The following PBX3 variants were observed in gnomAD, a reference collection of about 807,000 sequenced individuals.
The protein encoded by PBX3 is pre-B-cell leukemia transcription factor 3.
Under a neutral mutation model 48.5 loss-of-function variants are expected in PBX3, and 14 were observed. The observed-to-expected ratio is 0.29, with a 90% confidence interval of 0.19 to 0.45. PBX3 has a LOEUF of 0.45. PBX3 is among the 20% of genes least tolerant of loss of function. The pLI is 1.00. For synonymous variants in PBX3, 210 were observed against 200.3 expected (o/e 1.05, Z -0.41); for missense variants, 386 against 546.7 (o/e 0.71, Z 2.93).
chr9:125,825,462 A>G (rs1315204587), intron 2 of PBX3, among the ~76,000 whole-genome samples: 1 of 152,092 alleles, frequency 6.6e-6, no homozygotes, highest in Non-Finnish European at 1.5e-5. Flanking sequence ...AAAATAAAAA[A>G]TTAGATGATT....
chr9:125,826,584 CTT>C (rs1029089212), intron 2 of PBX3, among the ~76,000 whole-genome samples: 1 of 151,996 alleles, frequency 6.6e-6, no homozygotes, highest in Non-Finnish European at 1.5e-5. Flanking sequence ...ATGACACACA[CTT>C]TTTTTCTTTG....
chr9:125,805,747 G>T (rs554021416), intron 2 of PBX3, among the ~76,000 whole-genome samples: 11 of 152,318 alleles, frequency 7.2e-5, no homozygotes, highest in African/African-American at 2.4e-4. Context: ...AGAAAGTACA[G>T]TGGGAATAAT....
chr9:125,814,416 G>C (rs1382874182), intron 2 of PBX3, among the ~76,000 whole-genome samples: 1 of 151,964 alleles, frequency 6.6e-6, no homozygotes, highest in South Asian at 2.1e-4. Context: ...GTTCCAAACT[G>C]TACTGTTCTA....
intron 1 of PBX3, 100 bp from the exon 2 acceptor site, chr9:125,748,450 T>TG (rs1588111905): frequency 6.5e-7 from 1 of 1,532,562 alleles, no homozygotes; most frequent in African/African-American, 1.4e-5. Context: ...CCTTCCAGAA[T>TG]GGGGGGCTGG....
chr9:125,948,020 G>C (rs756428209), intron 5 of PBX3, among the ~76,000 whole-genome samples: 1 of 152,190 alleles, frequency 6.6e-6, no homozygotes, highest in African/African-American at 2.4e-5. Context: ...TAAGGACATA[G>C]AACAGTGCTT....
chr9:125,919,427 T>C (rs1588296139), intron 3 of PBX3, among the ~76,000 whole-genome samples: 1 of 148,712 alleles, frequency 6.7e-6, no homozygotes, highest in Non-Finnish European at 1.5e-5. Context: ...GCCAGGCTGG[T>C]CTTGAACTCC....
At chr9:125,879,311 G>C (rs779882372) in intron 2 of PBX3, among the ~76,000 whole-genome samples, 9 of 151,880 alleles carry the variant, frequency 5.9e-5, no homozygotes, top group Non-Finnish European at 1.0e-4. Flanking sequence ...TCGAACTCCT[G>C]ACCTCGTGAT....
intron 2 of PBX3, among the ~76,000 whole-genome samples, chr9:125,774,388 A>G (rs1004801338): frequency 2.0e-5 from 3 of 152,144 alleles, no homozygotes; most frequent in African/African-American, 7.2e-5. Context: ...GTCACCTATT[A>G]AGCAGTCATT....
At chr9:125,837,865 C>T (rs1385352832) in intron 2 of PBX3, among the ~76,000 whole-genome samples, 1 of 152,216 alleles carries the variant, frequency 6.6e-6, no homozygotes, top group Non-Finnish European at 1.5e-5. Flanking sequence ...GTTGGGATTA[C>T]AGGCGTGAGC....
chr9:125,854,436 C>G (rs1839667401), intron 2 of PBX3, among the ~76,000 whole-genome samples: 2 of 152,016 alleles, frequency 1.3e-5, no homozygotes, highest in Admixed American at 1.3e-4. Context: ...ATGCGCAGCC[C>G]TAATTTATTT....
At chr9:125,888,554 A>G (rs1231116625) in intron 2 of PBX3, among the ~76,000 whole-genome samples, 2 of 86,174 alleles carry the variant, frequency 2.3e-5, no homozygotes, top group African/African-American at 1.0e-4. Flanking sequence ...ACGATTTGAT[A>G]TTTCTTTTTT....
chr9:125,877,664 A>G (rs1190507467), intron 2 of PBX3, among the ~76,000 whole-genome samples: 3 of 152,164 alleles, frequency 2.0e-5, no homozygotes, highest in Non-Finnish European at 4.4e-5. Flanking sequence ...CACTTTACGT[A>G]TCATGCTCCA....
chr9:125,929,503 C>T, intron 3 of PBX3, 152 bp from the exon 4 acceptor site: 1 of 545,070 alleles, frequency 1.8e-6, no homozygotes, highest in East Asian at 3.1e-5. Context: ...ACTACTATTA[C>T]TACCATTTTA....
intron 2 of PBX3, among the ~76,000 whole-genome samples, chr9:125,789,798 T>G (rs1290131619): frequency 6.6e-6 from 1 of 152,158 alleles, no homozygotes. Context: ...TAATAGATAT[T>G]ATGAAATATT....
chr9:125,945,199 G>A (rs1440559873), intron 5 of PBX3, among the ~76,000 whole-genome samples: 1 of 150,748 alleles, frequency 6.6e-6, no homozygotes, highest in African/African-American at 2.4e-5. Flanking sequence ...ACTCCAGCCT[G>A]GGCAGAAGAG....
intron 2 of PBX3, among the ~76,000 whole-genome samples, chr9:125,776,644 T>C (rs1002354629): frequency 6.6e-6 from 1 of 152,116 alleles, no homozygotes; most frequent in African/African-American, 2.4e-5. Context: ...CAAGTGGTTC[T>C]CCCACCTCAG....
Position 125,966,809 on chromosome 9 carries a change from T to C in PBX3, c.*886T>C, listed in dbSNP as rs1842542887. On this transcript the variant is annotated 3_prime_UTR_variant, in exon 9 of 9. Transcript: ENST00000373489. ...CATACAAACCAATAGAATTTCAACA[T>C]GTTCTGTAGCTTAGAGTGCTCACTT... 1.3e-5 allele frequency: 2 copies of C among 152,676 alleles called. No individual in the cohort carries two copies. Among genetic ancestry groups the C allele is most frequent in the African/African-American group, 4.8e-5 (2 of 41,458 alleles). The allele number at this position is 152,676 out of a possible 1,614,324, so 9.5% of individuals were successfully genotyped here. A position where few individuals can be genotyped will look rare whatever the true frequency, so the allele number is the denominator to read the frequency against.
intron 2 of PBX3, among the ~76,000 whole-genome samples, chr9:125,797,703 A>G (rs1178483493): frequency 6.6e-6 from 1 of 152,086 alleles, no homozygotes; most frequent in Non-Finnish European, 1.5e-5. Flanking sequence ...ATAATGATTT[A>G]TTTTGCAAAA....
chr9:125,853,625 C>G (rs1390288748), intron 2 of PBX3, among the ~76,000 whole-genome samples: 1 of 152,090 alleles, frequency 6.6e-6, no homozygotes, highest in Non-Finnish European at 1.5e-5. Context: ...CGAATGTATC[C>G]AAGTGCAAAG....
Sources: gnomAD v4.1 joint callset for allele counts (sites outside exome capture counted in the v4.1 genomes callset) on GRCh38, gnomAD v4.1.1 for gene constraint, MANE v1.5 for transcripts, NCBI Gene and HGNC (gene_info 2026-07-23, HGNC 2026-07-21) for gene names.